SQSTM1: variants seen among roughly 807,000 people sequenced by gnomAD.
SQSTM1 encodes the protein sequestosome-1.
Under a neutral mutation model 45.1 loss-of-function variants are expected in SQSTM1, and 36 were observed. The ratio of observed to expected loss-of-function variants is 0.80; its 90% CI spans 0.61 to 1.05. SQSTM1 has a LOEUF of 1.05. SQSTM1 is among the 50% of genes least tolerant of loss of function. The probability of loss-of-function intolerance (pLI) is 0.00; values close to 1 mark genes in which losing one functional copy is unlikely to be tolerated. For missense variants in SQSTM1, 617 were observed against 607.1 expected (o/e 1.02, Z -0.17); for synonymous variants, 290 against 244.3 (o/e 1.19, Z -1.74).
In SQSTM1 at chr5:179,806,466, C is replaced by T. The variant is rs1269221166; in HGVS notation, c.-282C>T. On this transcript the variant is annotated 5_prime_UTR_variant, in exon 1 of 6. Coordinates refer to the SQSTM1 transcript ENST00000514093. The surrounding 1 kb of genome is among the most constrained non-coding windows in gnomAD (Gnocchi z 4.6). Reference sequence around the variant, plus strand: ...GACGCCCAGGTGCGCCAGGTGCGGGCCGGGCGGGGGTCGCGCTCACCTTTC... The same window carrying T: ...GACGCCCAGGTGCGCCAGGTGCGGGTCGGGCGGGGGTCGCGCTCACCTTTC... 3.2e-6 allele frequency: 4 copies of T among 1,254,432 alleles called. No homozygotes were observed. The highest frequency in any genetic ancestry group is 9.7e-5 in the East Asian group (2 of 20,590). The allele number at this position is 1,254,432 out of a possible 1,614,324, so 77.7% of individuals were successfully genotyped here.
intron 1 of SQSTM1, among the ~76,000 whole-genome samples, chr5:179,822,084 A>AACGCC (rs1757803557): frequency 6.6e-6 from 1 of 152,184 alleles, no homozygotes; most frequent in Non-Finnish European, 1.5e-5. Context: ...TCACCTTATA[A>AACGCC]ACGCCATACA....
At chr5:179,810,745 A>G (rs888257679) in intron 1 of SQSTM1, among the ~76,000 whole-genome samples, 1 of 152,356 alleles carries the variant, frequency 6.6e-6, no homozygotes, top group East Asian at 1.9e-4. Flanking sequence ...GTGTAAAAGC[A>G]TTCCTATTTC....
intron 1 of SQSTM1, among the ~76,000 whole-genome samples, chr5:179,811,376 C>CT (rs1554160847): frequency 2.0e-3 from 87 of 43,420 alleles, no homozygotes; most frequent in Middle Eastern, 0.025. Flanking sequence ...GGGGGAGGAG[C>CT]ATGCAGGGGG....
chr5:179,820,095 C>T (rs1218853827), upstream of SQSTM1: 4 of 152,774 alleles, frequency 2.6e-5, no homozygotes, highest in East Asian at 7.7e-4. Context: ...AGTGTTTCTT[C>T]CTTCCTAGCT....
intron 1 of SQSTM1, chr5:179,808,106 C>G (rs530348911): frequency 1.3e-5 from 2 of 152,362 alleles, no homozygotes; most frequent in African/African-American, 4.8e-5. Flanking sequence ...GGCCCGGTTC[C>G]TGGTGGAGGC....
intron 5 of SQSTM1, among the ~76,000 whole-genome samples, chr5:179,825,766 G>A (rs1232513543): frequency 2.0e-5 from 3 of 152,176 alleles, no homozygotes; most frequent in Admixed American, 1.3e-4. Context: ...CAGTGGGTCT[G>A]TGGGGTGGGT....
At chr5:179,818,307 G>A (rs1043012647), upstream of SQSTM1, among the ~76,000 whole-genome samples, 5 of 152,286 alleles carry the variant, frequency 3.3e-5, no homozygotes, top group African/African-American at 1.2e-4. Context: ...CAGGACCTCT[G>A]TAGAGGAACT....
intron 5 of SQSTM1, among the ~76,000 whole-genome samples, chr5:179,832,365 C>T (rs1238465206): frequency 2.0e-5 from 3 of 152,228 alleles, no homozygotes; most frequent in African/African-American, 7.2e-5. Context: ...CCTGGTGAGT[C>T]ACGTGAGCCT....
chr5:179,833,777 C>T lies in SQSTM1; in HGVS notation c.1160C>T (p.Pro387Leu), dbSNP rs776749939. The change falls in exon 7 of 8, where the codon CCG (proline) becomes CTG (leucine). Residue 387 changes from proline to leucine, a missense_variant. Transcript: ENST00000389805. ...LKEAALYPHL[P>L]PEADPRLIES... Reference sequence around the variant, plus strand: ...GAAGCTGCCTTGTACCCACATCTCCCGCCAGGCAAGTGAACCAAGAGGTTT... The same window carrying T: ...GAAGCTGCCTTGTACCCACATCTCCTGCCAGGCAAGTGAACCAAGAGGTTT... 3.3e-5 allele frequency: 53 copies of T among 1,613,926 alleles called. 1 individual carries two copies. In the Middle Eastern group the frequency reaches 4.9e-4, roughly 15 times the overall value.
At chr5:179,829,817 C>T (rs1032731103) in intron 5 of SQSTM1, among the ~76,000 whole-genome samples, 10 of 151,882 alleles carry the variant, frequency 6.6e-5, no homozygotes, top group African/African-American at 2.4e-4. Context: ...TTCTTGGCAC[C>T]AGGCATGGTG....
chr5:179,834,565 C>A (rs1037590951), intron 7 of SQSTM1, among the ~76,000 whole-genome samples: 4 of 147,592 alleles, frequency 2.7e-5, no homozygotes, highest in Non-Finnish European at 6.0e-5. Context: ...CTGCGGCCTT[C>A]CGCAGCGTTT....
chr5:179,810,197 C>A (rs1193341655), intron 1 of SQSTM1, among the ~76,000 whole-genome samples: 2 of 151,978 alleles, frequency 1.3e-5, no homozygotes, highest in Non-Finnish European at 2.9e-5. Flanking sequence ...TATACATGTG[C>A]CCGGTTGGTA....
Position 179,836,851 on chromosome 5 carries a change from C to G in SQSTM1, c.*258C>G. 1.6e-6 allele frequency: 1 copy of G among 639,922 alleles called. No homozygotes were observed. The allele number at this position is 639,922 out of a possible 1,614,324, so 39.6% of individuals were successfully genotyped here. A position where few individuals can be genotyped will look rare whatever the true frequency, so the allele number is the denominator to read the frequency against. On this transcript the variant is annotated 3_prime_UTR_variant, in exon 8 of 8. Transcript: ENST00000389805. Reference sequence around the variant, plus strand: ...CTGCGAGACCCAAGGCTCACTGCAGCGCGCTCCTGACCCCTCCCTGCAGGG... The same window carrying G: ...CTGCGAGACCCAAGGCTCACTGCAGGGCGCTCCTGACCCCTCCCTGCAGGG...
chr5:179,811,273 TAAGCACTGG>T (rs1336404804), intron 1 of SQSTM1, among the ~76,000 whole-genome samples: 1 of 149,430 alleles, frequency 6.7e-6, no homozygotes, highest in Non-Finnish European at 1.5e-5. Context: ...CACACCTGCC[TAAGCACTGG>T]AAGAACTGGG....
In SQSTM1 at chr5:179,837,207, G is replaced by C. The variant is rs1355148846; in HGVS notation, c.*614G>C. 1 of 1,569,826 alleles carries C rather than the reference G, an allele frequency of 6.4e-7. No individual in the cohort carries two copies. The highest frequency in any genetic ancestry group is 8.6e-7 in the Non-Finnish European group (1 of 1,162,646). ...AATAAGATCTCTTTGTAGCCATCCTGTTAAATTTGTAAACAATCTAATTAA... is the reference window on the plus strand; with the variant it reads ...AATAAGATCTCTTTGTAGCCATCCTCTTAAATTTGTAAACAATCTAATTAA... On this transcript the variant is annotated 3_prime_UTR_variant, in exon 8 of 8. Coordinates refer to ENST00000389805, the MANE Select transcript of SQSTM1 (RefSeq NM_003900.5).
intron 1 of SQSTM1, chr5:179,821,401 G>C (rs1279112527): frequency 1.7e-6 from 1 of 605,130 alleles, no homozygotes; most frequent in East Asian, 3.4e-5. Context: ...CCGGCCGGGG[G>C]CTCGAGCCTG....
chr5:179,836,872 C>G lies in SQSTM1; in HGVS notation c.*279C>G, dbSNP rs11548631. ...GCAGCGCGCTCCTGACCCCTCCCTG[C>G]AGGGGCTACGTTAGCAGCCCAGCAC... is the stretch of plus-strand genomic sequence containing the variant. On this transcript the variant is annotated 3_prime_UTR_variant, in exon 8 of 8. Transcript: ENST00000389805. The G allele has an allele frequency of 4.4e-3, 2,721 of 616,162 alleles. 79 individuals are homozygous for G. The African/African-American group carries it at 0.046, about 10-fold the overall frequency. 38.2% of individuals were successfully genotyped at this position (616,162 alleles called of 1,614,324 possible). A position where few individuals can be genotyped will look rare whatever the true frequency, so the allele number is the denominator to read the frequency against.
rs1457986909 is a variant in SQSTM1 at position 179,825,199 on chromosome 5, AGT to A, written c.731_732del (p.Val244GlyfsTer5). 6.2e-7 allele frequency: 1 copy of A among 1,613,840 alleles called. No homozygotes were observed. The highest frequency in any genetic ancestry group is 1.3e-5 in the African/African-American group (1 of 74,874). On this transcript the variant is annotated frameshift_variant, in exon 5 of 8. Coordinates refer to ENST00000389805, the MANE Select transcript of SQSTM1 (RefSeq NM_003900.5). LOFTEE classifies it high-confidence loss of function. The stretch of plus-strand genomic sequence containing the variant: ...GAATTTCCTGAAGAACGTTGGGGAG[AGT>A]GTGGCAGCTGCCCTTAGCCCTCTGG... Reference protein sequence around the residue: ...SVNFLKNVGESVAAALSPLGI... With the variant: ...SVNFLKNVGEXVAAALSPLGI...
In SQSTM1 at chr5:179,824,205, C is replaced by T; in HGVS notation, c.555C>T (p.Leu185=). ...AGGGCTTCTCGCACAGCCGCTGGCT[C>T]CGGAAGGTGAAACACGGACACTTCG... ...LSEGFSHSRW[L]RKVKHGHFGW... is the part of the protein sequence containing the mutation. The change falls in exon 4 of 8, where the codon CTC becomes CTT. Residue 185 remains leucine (L), a synonymous_variant. Transcript: ENST00000389805. The T allele has an allele frequency of 6.2e-7, 1 of 1,613,876 alleles. No individual in the cohort carries two copies. The highest frequency in any genetic ancestry group is 2.2e-5 in the East Asian group (1 of 44,882).
Sources: allele counts gnomAD v4.1 joint callset (sites outside exome capture counted in the v4.1 genomes callset), GRCh38; gene constraint gnomAD v4.1.1; non-coding constraint Gnocchi (gnomAD v3.1); transcripts MANE v1.5; gene names NCBI Gene and HGNC (gene_info 2026-07-23, HGNC 2026-07-21).